Variants in SLC25A40 observed in about 807,000 individuals in gnomAD.
SLC25A40 encodes the protein solute carrier family 25 member 40, also known as mitochondrial glutathione transporter SLC25A40.
SLC25A40 carries 41 observed loss-of-function variants against 46.5 expected under a neutral mutation model. That is an observed-to-expected ratio of 0.88 (90% CI 0.69 to 1.14). SLC25A40 has a LOEUF of 1.14. Ranked by LOEUF, SLC25A40 falls within the 50% of genes most tolerant of loss-of-function variation. The pLI is 0.00. For missense variants in SLC25A40, 386 were observed against 393.6 expected (o/e 0.98, Z 0.16); for synonymous variants, 126 against 127.5 (o/e 0.99, Z 0.08).
intron 10 of SLC25A40, among the ~76,000 whole-genome samples, chr7:87,840,869 A>ACTT (rs1422439055): frequency 1.3e-5 from 2 of 151,832 alleles, no homozygotes; most frequent in Non-Finnish European, 2.9e-5. Context: ...TACCTATTTT[A>ACTT]CTTTTTATGC....
At chr7:87,844,357 G>A (rs373753438) in intron 8 of SLC25A40, among the ~76,000 whole-genome samples, 24 of 151,928 alleles carry the variant, frequency 1.6e-4, no homozygotes, top group African/African-American at 5.1e-4. Context: ...CTGATAAAAC[G>A]CAACACTCCT....
At chr7:87,862,453 G>A (rs540943109) in intron 1 of SLC25A40, among the ~76,000 whole-genome samples, 355 of 152,210 alleles carry the variant, frequency 2.3e-3, no homozygotes, top group Non-Finnish European at 4.4e-3. Flanking sequence ...TCTCCAACAT[G>A]AAAAACCCAT....
chr7:87,868,141 T>G (rs1838834551), intron 1 of SLC25A40, among the ~76,000 whole-genome samples: 1 of 152,168 alleles, frequency 6.6e-6, no homozygotes, highest in African/African-American at 2.4e-5. Context: ...GGAGGAATTC[T>G]CCTGAAAGGG....
chr7:87,851,780 T>C (rs1838515226), intron 5 of SLC25A40, among the ~76,000 whole-genome samples: 1 of 152,152 alleles, frequency 6.6e-6, no homozygotes, highest in Non-Finnish European at 1.5e-5. Context: ...GATGACATCC[T>C]TTCTTCCCCA....
chr7:87,862,591 C>T (rs1204699015), intron 1 of SLC25A40, among the ~76,000 whole-genome samples: 1 of 152,182 alleles, frequency 6.6e-6, no homozygotes, highest in East Asian at 1.9e-4. Flanking sequence ...ACTATCTCCT[C>T]AGTATCATCA....
At chr7:87,850,426 A>C (rs1838489933) in intron 5 of SLC25A40, among the ~76,000 whole-genome samples, 1 of 152,180 alleles carries the variant, frequency 6.6e-6, no homozygotes, top group Non-Finnish European at 1.5e-5. Context: ...AAATTGGCTA[A>C]GGATTTGAAT....
At position 87,859,181 on chromosome 7, in the gene SLC25A40, G is replaced by A. The variant is rs150072005; in HGVS notation, c.-24-430C>T. On this transcript the variant is annotated intron_variant, in intron 2 of 11. Transcript: ENST00000341119. ...ATTCAAAAATAATCACCGGCCAGGC[G>A]TGGTGGCTCACACCTGTAACCCCAG... Among the ~76,000 whole-genome samples the A allele has an allele frequency of 5.1e-3, 782 of 152,230 alleles. 6 individuals are homozygous for A. Among genetic ancestry groups the A allele is most frequent in the Middle Eastern group, 0.051 (15 of 294 alleles).
At chr7:87,870,309 T>G (rs1838876632) in intron 1 of SLC25A40, among the ~76,000 whole-genome samples, 1 of 152,092 alleles carries the variant, frequency 6.6e-6, no homozygotes, top group South Asian at 2.1e-4. Flanking sequence ...TCAATTTGCC[T>G]ATTTTTTCTG....
chr7:87,846,401 C>G (rs955254491), intron 8 of SLC25A40, among the ~76,000 whole-genome samples: 3 of 152,258 alleles, frequency 2.0e-5, no homozygotes, highest in African/African-American at 4.8e-5. Flanking sequence ...CTAAAGTAGG[C>G]ACATTCTGTA....
intron 9 of SLC25A40, chr7:87,842,240 A>G (rs1562742040): frequency 6.5e-6 from 1 of 152,772 alleles, no homozygotes; most frequent in African/African-American, 2.4e-5. Context: ...AAATATACTT[A>G]CAATGGTTCA....
chr7:87,839,819 G>T (rs955292172), intron 10 of SLC25A40, among the ~76,000 whole-genome samples: 10 of 151,770 alleles, frequency 6.6e-5, no homozygotes, highest in African/African-American at 1.7e-4. Context: ...TAGGCTGACA[G>T]ATCATATACT....
Position 87,843,851 on chromosome 7 carries a change from T to C in SLC25A40, c.644A>G (p.Tyr215Cys), listed in dbSNP as rs755234065. 4 of 1,593,288 alleles carry C rather than the reference T, an allele frequency of 2.5e-6. No homozygotes were observed. The highest frequency in any genetic ancestry group is 1.1e-5 in the South Asian group (1 of 90,204). Reference sequence around the variant, plus strand: ...CCACTTCTTTAAAATTTCATAGTTATACCAGTACATTGCTATAAAAACAGA... The same window carrying C: ...CCACTTCTTTAAAATTTCATAGTTACACCAGTACATTGCTATAAAAACAGA... ...RDVPFSAMYW[Y>C]NYEILKKWLC... The change falls in exon 9 of 12, where the codon TAT becomes TGT. Residue 215 changes from tyrosine to cysteine, a missense_variant. Tyr to Cys is a radical substitution (Grantham distance 194, BLOSUM62 -2). Transcript: ENST00000341119.
rs749625579 is a variant in SLC25A40, at chr7:87,856,289, T to C, written c.157+3A>G. ...ACATTTTTAGGGCAATTAGTACACA[T>C]ACCTTTGGGGAGTGGGTTGTTTTGG... On this transcript the variant is annotated splice_donor_region_variant and intron_variant, in intron 4 of 11. Transcript: ENST00000341119. 1 of 1,608,892 alleles carries C rather than the reference T, an allele frequency of 6.2e-7. No individual in the cohort carries two copies. Among genetic ancestry groups the C allele is most frequent in the Non-Finnish European group, 8.5e-7 (1 of 1,176,132 alleles).
Position 87,858,633 on chromosome 7 carries a change from A to T in SLC25A40, c.95T>A (p.Ile32Lys). The change falls in exon 3 of 12, where the codon ATA becomes AAA. Residue 32 changes from isoleucine to lysine, a missense_variant and splice_region_variant. Transcript: ENST00000341119. ...SCTGAILTSV[I>K]VTPLDVVKIR... Reference sequence around the variant, plus strand: ...CTACATCAGTAACATAATTTTACCTATTACTGATGTCAGTATAGCTCCAGT... The same window carrying T: ...CTACATCAGTAACATAATTTTACCTTTTACTGATGTCAGTATAGCTCCAGT... 1 of 1,535,002 alleles carries T rather than the reference A, an allele frequency of 6.5e-7. No homozygotes were observed. Among genetic ancestry groups the T allele is most frequent in the South Asian group, 1.1e-5 (1 of 89,440 alleles).
Position 87,858,650 on chromosome 7 carries a change from A to T in SLC25A40, c.78T>A (p.Ala26=). Residue 26 remains alanine (A), a synonymous_variant, in exon 3 of 12, where the codon GCT becomes GCA. Transcript: ENST00000341119. ...LQQMLASCTG[A]ILTSVIVTPL... is the part of the protein sequence containing the mutation. ...TTTTACCTATTACTGATGTCAGTAT[A>T]GCTCCAGTACATGAGGCAAGCATTT... The T allele has an allele frequency of 1.9e-6, 3 of 1,600,478 alleles. No homozygotes were observed. Among genetic ancestry groups the T allele is most frequent in the East Asian group, 4.5e-5 (2 of 44,818 alleles).
intron 4 of SLC25A40, 43 bp from the exon 5 acceptor site, chr7:87,854,353 CTG>C: frequency 1.7e-6 from 2 of 1,158,186 alleles, no homozygotes; most frequent in South Asian, 2.9e-5. Context: ...CCTCACATAA[CTG>C]TTATTATTTT....
At chr7:87,836,471 T>C (rs1838259478) in intron 11 of SLC25A40, 110 bp from the exon 12 acceptor site, 1 of 691,732 alleles carries the variant, frequency 1.4e-6, no homozygotes, top group Non-Finnish European at 2.2e-6. Context: ...TGAAGTAATA[T>C]GTTCAAATCC....
chr7:87,867,185 T>C lies in SLC25A40; in HGVS notation c.-93-6545A>G, dbSNP rs1327868180. Among the ~76,000 whole-genome samples the C allele has an allele frequency of 2.0e-5, 3 of 152,356 alleles. No homozygotes were observed. The East Asian group carries it at 5.8e-4, about 29-fold the overall frequency. The stretch of plus-strand genomic sequence containing the variant: ...GTTTGGGAAAGTTTTCTGTTATTAT[T>C]TCTTTGAATAAGTTTTCTACCTCAA... On this transcript the variant is annotated intron_variant, in intron 1 of 11. Coordinates refer to ENST00000341119, the MANE Select transcript of SLC25A40 (RefSeq NM_018843.4).
intron 1 of SLC25A40, among the ~76,000 whole-genome samples, chr7:87,874,962 C>G (rs974356715): frequency 6.6e-6 from 1 of 152,202 alleles, no homozygotes; most frequent in African/African-American, 2.4e-5. Flanking sequence ...TATATTAGTG[C>G]TTCCCAACTT....
Sources: gnomAD v4.1 joint callset for allele counts (sites outside exome capture counted in the v4.1 genomes callset) on GRCh38, gnomAD v4.1.1 for gene constraint, MANE v1.5 for transcripts, NCBI Gene and HGNC (gene_info 2026-07-23, HGNC 2026-07-21) for gene names.